Variants in RNMT observed in about 807,000 individuals in gnomAD.
RNMT encodes the protein mRNA cap guanine-N(7) methyltransferase.
A neutral mutation model predicts 56.0 loss-of-function variants in RNMT; 27 were observed. That is an observed-to-expected ratio of 0.48 (90% CI 0.36 to 0.67). The LOEUF is 0.67. RNMT is among the 30% of genes least tolerant of loss of function. The pLI is 0.00. For missense variants in RNMT, 519 were observed against 552.1 expected (o/e 0.94, Z 0.60); for synonymous variants, 184 against 176.2 (o/e 1.04, Z -0.35).
In RNMT at chr18:13,733,567, A is replaced by G. The variant is rs567600872; in HGVS notation, c.418-897A>G. On this transcript the variant is annotated intron_variant, in intron 3 of 11. Transcript: ENST00000383314. ...TAATTTTTGTATTTTTAGTAGAGATAGGGTTTCACCATGTTGGCCAGGCTG... is the reference window on the plus strand; with the variant it reads ...TAATTTTTGTATTTTTAGTAGAGATGGGGTTTCACCATGTTGGCCAGGCTG... Among the ~76,000 whole-genome samples the G allele has an allele frequency of 4.1e-4, 63 of 152,026 alleles. No homozygotes were observed. In the South Asian group the frequency reaches 7.3e-3, roughly 18 times the overall value.
intron 8 of RNMT, among the ~76,000 whole-genome samples, chr18:13,744,547 A>G (rs958920620): frequency 6.6e-6 from 1 of 152,242 alleles, no homozygotes; most frequent in African/African-American, 2.4e-5. Context: ...ACTGCCTGGA[A>G]TAAAAAACTT....
intron 1 of RNMT, chr18:13,726,975 C>G (rs1413174236): frequency 6.6e-6 from 1 of 152,266 alleles, no homozygotes; most frequent in African/African-American, 2.4e-5. Context: ...AGAAGCAGCT[C>G]GAAGAGCTGC....
chr18:13,752,557 T>A (rs2044468205), intron 10 of RNMT, 130 bp downstream of exon 10: 6 of 611,744 alleles, frequency 9.8e-6, no homozygotes, highest in African/African-American at 1.8e-5. Context: ...TTGTTTCCAC[T>A]AAGTGATGTT....
At position 13,762,188 on chromosome 18, in the gene RNMT, C is replaced by T; in HGVS notation, c.*2209C>T. The T allele has an allele frequency of 6.6e-7, 1 of 1,511,726 alleles. No individual in the cohort carries two copies. Among genetic ancestry groups the T allele is most frequent in the Non-Finnish European group, 8.8e-7 (1 of 1,135,080 alleles). 93.6% of individuals were successfully genotyped at this position (1,511,726 alleles called of 1,614,324 possible). On this transcript the variant is annotated 3_prime_UTR_variant, in exon 12 of 12. Coordinates refer to ENST00000383314, the MANE Select transcript of RNMT (RefSeq NM_003799.3). Reference sequence around the variant, plus strand: ...ATGGAATTGGAAATGAAGACCTAACCAGCTATTGGTGGGAATGACGGAACT... The same window carrying T: ...ATGGAATTGGAAATGAAGACCTAACTAGCTATTGGTGGGAATGACGGAACT...
At chr18:13,729,029 T>TA (rs556630345) in intron 1 of RNMT, among the ~76,000 whole-genome samples, 4 of 152,340 alleles carry the variant, frequency 2.6e-5, no homozygotes, top group Admixed American at 2.6e-4. Flanking sequence ...TTTGAGGTCT[T>TA]ACCACAAAAA....
chr18:13,752,236 C>A, intron 9 of RNMT, 90 bp from the exon 10 acceptor site: 1 of 746,964 alleles, frequency 1.3e-6, no homozygotes, highest in South Asian at 1.6e-5. Context: ...GGATTATTCT[C>A]CTAATTATGT....
At position 13,739,813 on chromosome 18, in the gene RNMT, A is replaced by G. The variant is rs1216054043; in HGVS notation, c.680-354A>G. ...AAAAGAAAAAAAGAAAAGGGCTAATAACATTTTATTATAAAAATATACCCT... is the reference window on the plus strand; with the variant it reads ...AAAAGAAAAAAAGAAAAGGGCTAATGACATTTTATTATAAAAATATACCCT... On this transcript the variant is annotated intron_variant, in intron 5 of 11. Transcript: ENST00000383314. Among the ~76,000 whole-genome samples, 4 of 152,176 alleles carry G rather than the reference A, an allele frequency of 2.6e-5. No individual in the cohort carries two copies. The East Asian group carries it at 7.7e-4, about 29-fold the overall frequency.
intron 4 of RNMT, among the ~76,000 whole-genome samples, chr18:13,736,646 A>G (rs1022359811): frequency 6.6e-6 from 1 of 152,146 alleles, no homozygotes; most frequent in Admixed American, 6.5e-5. Context: ...AAAAAAAAAT[A>G]TGAATAATTA....
At chr18:13,742,208 C>T (rs567745640) in intron 7 of RNMT, among the ~76,000 whole-genome samples, 19 of 152,104 alleles carry the variant, frequency 1.2e-4, no homozygotes, top group East Asian at 1.2e-3. Context: ...CATGGTGGCA[C>T]GCCCCTGTAG....
intron 8 of RNMT, among the ~76,000 whole-genome samples, chr18:13,745,777 A>C (rs965900568): frequency 2.0e-5 from 3 of 151,312 alleles, no homozygotes; most frequent in South Asian, 2.1e-4. Flanking sequence ...AAAAAAAAAA[A>C]CCTGCAAAGA....
intron 1 of RNMT, among the ~76,000 whole-genome samples, chr18:13,728,441 T>G (rs1424977080): frequency 4.0e-5 from 6 of 150,948 alleles, no homozygotes; most frequent in African/African-American, 1.5e-4. Context: ...GTTCAAGCGA[T>G]TCTCATGCCT....
intron 4 of RNMT, 73 bp downstream of exon 4, chr18:13,734,672 C>G: frequency 7.5e-7 from 1 of 1,325,530 alleles, no homozygotes; most frequent in Non-Finnish European, 1.0e-6. Flanking sequence ...CTTTATAAAG[C>G]TAGAGCCAAG....
At chr18:13,731,995 C>A in intron 3 of RNMT, 61 bp downstream of exon 3, 1 of 1,328,954 alleles carries the variant, frequency 7.5e-7, no homozygotes, top group Non-Finnish European at 1.0e-6. Flanking sequence ...ATGTGGAACA[C>A]CCGTGGATTC....
rs936055748 is a variant in RNMT at position 13,763,004 on chromosome 18, A to C, written c.*3025A>C. ...AGGCCTTGTGCATTTGGGTTATCTC[A>C]AGCCAGTCACCACAGAGGGTCTCTA... On this transcript the variant is annotated 3_prime_UTR_variant, in exon 12 of 12. Coordinates refer to ENST00000383314, the MANE Select transcript of RNMT (RefSeq NM_003799.3). 4.5e-6 allele frequency: 2 copies of C among 447,618 alleles called. No individual in the cohort carries two copies. Among genetic ancestry groups the C allele is most frequent in the Non-Finnish European group, 9.0e-6 (2 of 222,418 alleles). 27.7% of individuals were successfully genotyped at this position (447,618 alleles called of 1,614,324 possible). A position where few individuals can be genotyped will look rare whatever the true frequency, so the allele number is the denominator to read the frequency against.
At chr18:13,759,570 C>T (rs893625308) in intron 11 of RNMT, among the ~76,000 whole-genome samples, 6 of 151,710 alleles carry the variant, frequency 4.0e-5, no homozygotes, top group Middle Eastern at 3.4e-3. Flanking sequence ...ATTTTTAATT[C>T]TAGTTTTCTT....
Position 13,742,498 on chromosome 18 carries a change from G to C in RNMT, c.985G>C (p.Glu329Gln). The change falls in exon 8 of 12, where the codon GAA becomes CAA. Residue 329 changes from glutamate (E) to glutamine (Q), a missense_variant. Transcript: ENST00000383314. ...PNSFELIRRL[E>Q]ASETESFGNE... is the part of the protein sequence containing the mutation. ...GGATAACCTTGATAGAAGACGCCTT[G>C]AAGCTTCAGAAACAGAATCATTTGG... 6.2e-7 allele frequency: 1 copy of C among 1,612,210 alleles called. No individual in the cohort carries two copies. The highest frequency in any genetic ancestry group is 2.2e-5 in the East Asian group (1 of 44,794).
At chr18:13,746,439 A>G (rs2044353767) in intron 9 of RNMT, 102 bp downstream of exon 9, 1 of 743,520 alleles carries the variant, frequency 1.3e-6, no homozygotes, top group East Asian at 2.5e-5. Flanking sequence ...AGTTATGTGT[A>G]TTACGCTCTT....
At chr18:13,758,103 C>A (rs1247389443) in intron 11 of RNMT, among the ~76,000 whole-genome samples, 2 of 152,146 alleles carry the variant, frequency 1.3e-5, no homozygotes, top group African/African-American at 4.8e-5. Context: ...GTGATGTGAA[C>A]AGATATGCTG....
chr18:13,760,165 A>G lies in RNMT; in HGVS notation c.*186A>G, dbSNP rs1208059982. 1 of 1,321,970 alleles carries G rather than the reference A, an allele frequency of 7.6e-7. No homozygotes were observed. Among genetic ancestry groups the G allele is most frequent in the East Asian group, 2.8e-5 (1 of 35,294 alleles). The allele number at this position is 1,321,970 out of a possible 1,614,324, so 81.9% of individuals were successfully genotyped here. On this transcript the variant is annotated 3_prime_UTR_variant, in exon 12 of 12. Transcript: ENST00000383314. ...GACAGATGAACTTTTGCATGTGTAT[A>G]TAAGAATGAGTTGGGACCTCTGTCT...
Sources: allele counts gnomAD v4.1 joint callset (sites outside exome capture counted in the v4.1 genomes callset), GRCh38; gene constraint gnomAD v4.1.1; transcripts MANE v1.5; gene names NCBI Gene and HGNC (gene_info 2026-07-23, HGNC 2026-07-21).